SRGN: variants seen among roughly 807,000 people sequenced by gnomAD.
SRGN encodes the protein serglycin.
SRGN carries 2 observed loss-of-function variants against 9.5 expected under a neutral mutation model. The ratio of observed to expected loss-of-function variants is 0.21; its 90% CI spans 0.09 to 0.66. The LOEUF is 0.66. SRGN is among the 30% of genes least tolerant of loss of function. The pLI is 0.83. For synonymous variants in SRGN, 59 were observed against 72.3 expected (o/e 0.82, Z 0.93); for missense variants, 170 against 192.4 (o/e 0.88, Z 0.69).
rs772422389 is a variant in SRGN at position 69,088,126 on chromosome 10, C to T, written c.-32C>T. On this transcript the variant is annotated 5_prime_UTR_variant, in exon 1 of 3. Transcript: ENST00000242465. The stretch of plus-strand genomic sequence containing the variant: ...CTACATTTCCTAATCAAGAAGTTGG[C>T]GTGCAGCTGGGAGAGCTAGACTAAG... 1.9e-5 allele frequency: 31 copies of T among 1,592,426 alleles called. No individual in the cohort carries two copies. The highest frequency in any genetic ancestry group is 4.4e-5 in the South Asian group (4 of 90,590).
chr10:69,095,201 G>A (rs528820076), intron 1 of SRGN, among the ~76,000 whole-genome samples: 3 of 151,678 alleles, frequency 2.0e-5, no homozygotes, highest in Admixed American at 6.6e-5. Flanking sequence ...CCAGCTACTC[G>A]GGAGGCTGAG....
At chr10:69,091,447 G>A (rs1040010101) in intron 1 of SRGN, among the ~76,000 whole-genome samples, 1 of 152,132 alleles carries the variant, frequency 6.6e-6, no homozygotes, top group African/African-American at 2.4e-5. Context: ...TCCATCTTGT[G>A]GAATTGATAG....
chr10:69,088,992 T>C (rs1450889415), intron 1 of SRGN, among the ~76,000 whole-genome samples: 1 of 152,290 alleles, frequency 6.6e-6, no homozygotes, highest in East Asian at 1.9e-4. Flanking sequence ...CTTTGGCAAA[T>C]AAGGAATCAT....
At chr10:69,103,002 C>T (rs1484993386) in intron 2 of SRGN, among the ~76,000 whole-genome samples, 2 of 151,958 alleles carry the variant, frequency 1.3e-5, no homozygotes, top group African/African-American at 2.4e-5. Flanking sequence ...TGCAGTGGCG[C>T]GATCTCGGCT....
chr10:69,103,538 G>A (rs1218105978), intron 2 of SRGN, among the ~76,000 whole-genome samples: 2 of 152,000 alleles, frequency 1.3e-5, no homozygotes, highest in African/African-American at 4.8e-5. Context: ...GCAAGACTCT[G>A]CCTCCAAAAA....
rs1810460343 is a variant in SRGN at position 69,088,105 on chromosome 10, A to G, written c.-53A>G. 1 of 1,513,740 alleles carries G rather than the reference A, an allele frequency of 6.6e-7. No individual in the cohort carries two copies. Among genetic ancestry groups the G allele is most frequent in the African/African-American group, 1.4e-5 (1 of 72,932 alleles). The allele number at this position is 1,513,740 out of a possible 1,614,324, so 93.8% of individuals were successfully genotyped here. On this transcript the variant is annotated 5_prime_UTR_variant, in exon 1 of 3. Transcript: ENST00000242465. ...AAAGGGACAGAGAGCACCCTGCTAC[A>G]TTTCCTAATCAAGAAGTTGGCGTGC...
chr10:69,088,307 T>C, intron 1 of SRGN, 71 bp downstream of exon 1: 3 of 1,285,164 alleles, frequency 2.3e-6, no homozygotes, highest in South Asian at 2.4e-5. Flanking sequence ...GTCATTATAT[T>C]CATTTTAAGG....
intron 1 of SRGN, among the ~76,000 whole-genome samples, chr10:69,092,224 T>C (rs1840078537): frequency 6.6e-6 from 1 of 152,134 alleles, no homozygotes; most frequent in African/African-American, 2.4e-5. Flanking sequence ...TCACAAGACA[T>C]TTATCTCAAG....
At chr10:69,088,327 T>C in intron 1 of SRGN, 91 bp downstream of exon 1, 1 of 1,111,522 alleles carries the variant, frequency 9.0e-7, no homozygotes, top group Non-Finnish European at 1.3e-6. Flanking sequence ...GCATAGAATG[T>C]ATAATATTGT....
intron 1 of SRGN, among the ~76,000 whole-genome samples, chr10:69,091,243 C>T (rs1433431687): frequency 2.6e-5 from 4 of 152,196 alleles, no homozygotes; most frequent in Non-Finnish European, 5.9e-5. Context: ...AACTGGTCGT[C>T]TGATTTCAAG....
At position 69,097,107 on chromosome 10, in the gene SRGN, T is replaced by C. The variant is rs1373466168; in HGVS notation, c.103T>C (p.Tyr35His). 2 of 1,613,980 alleles carry C rather than the reference T, an allele frequency of 1.2e-6. No homozygotes were observed. Among genetic ancestry groups the C allele is most frequent in the African/African-American group, 2.7e-5 (2 of 74,932 alleles). ...VQGYPTRRAR[Y>H]QWVRCNPDSN... ...AGGTTATCCTACGCGGAGAGCCAGG[T>C]ACCAATGGGTGCGCTGCAATCCAGA... is the stretch of plus-strand genomic sequence containing the variant. The change falls in exon 2 of 3, where the codon TAC becomes CAC. Residue 35 changes from tyrosine to histidine, a missense_variant. By Grantham distance (83) the Tyr-to-His change is moderately conservative. Transcript: ENST00000242465.
intron 1 of SRGN, among the ~76,000 whole-genome samples, chr10:69,092,610 A>T (rs1840087286): frequency 6.6e-6 from 1 of 152,130 alleles, no homozygotes; most frequent in African/African-American, 2.4e-5. Flanking sequence ...CCTGGCCAAC[A>T]TGGTGAGAAC....
chr10:69,096,999 AAAAAT>A, intron 1 of SRGN, 80 bp from the exon 2 acceptor site: 2 of 1,452,526 alleles, frequency 1.4e-6, no homozygotes, highest in Non-Finnish European at 9.2e-7. Flanking sequence ...GTCTCGAAAA[AAAAAT>A]AAAAATAAAA....
chr10:69,100,847 C>T (rs369667317), intron 2 of SRGN, among the ~76,000 whole-genome samples: 64 of 152,264 alleles, frequency 4.2e-4, no homozygotes, highest in African/African-American at 1.3e-3. Flanking sequence ...CCTGGGATGG[C>T]ACCTTGGGCA....
intron 2 of SRGN, among the ~76,000 whole-genome samples, chr10:69,097,779 G>A (rs1840209075): frequency 1.3e-5 from 2 of 152,074 alleles, no homozygotes; most frequent in Non-Finnish European, 2.9e-5. Context: ...GGCCAGGCTG[G>A]TCTCAAACTC....
chr10:69,093,992 A>G (rs1361921284), intron 1 of SRGN, among the ~76,000 whole-genome samples: 1 of 152,230 alleles, frequency 6.6e-6, no homozygotes, highest in East Asian at 1.9e-4. Context: ...ATCATAGGTC[A>G]TTGTTGTCCT....
chr10:69,089,713 G>C (rs540018987), intron 1 of SRGN, among the ~76,000 whole-genome samples: 1 of 151,794 alleles, frequency 6.6e-6, no homozygotes, highest in Non-Finnish European at 1.5e-5. Flanking sequence ...GGCCAACATA[G>C]TGAAATCCCG....
At chr10:69,098,972 A>C (rs1840235455) in intron 2 of SRGN, among the ~76,000 whole-genome samples, 1 of 152,150 alleles carries the variant, frequency 6.6e-6, no homozygotes, top group Non-Finnish European at 1.5e-5. Context: ...AAGAAAAAAA[A>C]AATTAGGGAA....
chr10:69,095,278 A>T (rs1358030273), intron 1 of SRGN, among the ~76,000 whole-genome samples: 1 of 150,220 alleles, frequency 6.7e-6, no homozygotes, highest in Non-Finnish European at 1.5e-5. Flanking sequence ...ACTGCATCCC[A>T]GCCAGGGCAA....
Sources: gnomAD v4.1 joint callset for allele counts (sites outside exome capture counted in the v4.1 genomes callset) on GRCh38, gnomAD v4.1.1 for gene constraint, MANE v1.5 for transcripts, NCBI Gene and HGNC (gene_info 2026-07-23, HGNC 2026-07-21) for gene names.